GPI: variants seen among roughly 807,000 people sequenced by gnomAD.
GPI encodes the protein glucose-6-phosphate isomerase.
A neutral mutation model predicts 75.8 loss-of-function variants in GPI; 56 were observed. That is an observed-to-expected ratio of 0.74 (90% CI 0.60 to 0.92). GPI has a LOEUF of 0.92. GPI is among the 40% of genes least tolerant of loss of function. The probability of loss-of-function intolerance (pLI) is 0.00; values close to 1 mark genes in which losing one functional copy is unlikely to be tolerated. For synonymous variants in GPI, 288 were observed against 285.4 expected, an observed-to-expected ratio of 1.01 and a Z score of -0.09; for missense variants, 638 against 741.0, an observed-to-expected ratio of 0.86 and a Z score of 1.61.
At chr19:34,364,585 C>T (rs2074326486), upstream of GPI, among the ~76,000 whole-genome samples, 1 of 151,866 alleles carries the variant, frequency 6.6e-6, no homozygotes, top group Non-Finnish European at 1.5e-5. Context: ...ACCAGGTTGG[C>T]CAGTCTGGTC....
Position 34,393,588 on chromosome 19 carries a change from G to T in GPI, c.866-140G>T. 1.2e-6 allele frequency: 1 copy of T among 824,846 alleles called. No homozygotes were observed. Among genetic ancestry groups the T allele is most frequent in the Non-Finnish European group, 2.1e-6 (1 of 486,214 alleles). 51.1% of individuals were successfully genotyped at this position (824,846 alleles called of 1,614,324 possible). On this transcript the variant is annotated intron_variant, in intron 10 of 17. Coordinates refer to ENST00000356487, the MANE Select transcript of GPI (RefSeq NM_000175.5). The surrounding 1 kb of genome is among the most constrained non-coding windows in gnomAD (Gnocchi z 4.4). ...CTCAGGGCCACCTCTCACTGGAGGG[G>T]CTTTGTCTAGGTCCGAGTCCTCCCA...
At chr19:34,361,962 A>T (rs1400959543), upstream of GPI, among the ~76,000 whole-genome samples, 1 of 152,050 alleles carries the variant, frequency 6.6e-6, no homozygotes, top group African/African-American at 2.4e-5. Flanking sequence ...TAAAAATACA[A>T]AAATTAGCTG....
rs2074895016 is a variant in GPI, at chr19:34,393,359, C to G, written c.865+51C>G. On this transcript the variant is annotated intron_variant, in intron 10 of 17. Coordinates refer to ENST00000356487, the MANE Select transcript of GPI (RefSeq NM_000175.5). This position sits in a 1 kb window ranked among gnomAD's most constrained non-coding sequence, Gnocchi z 4.4. ...CCCCTGTGGGAGACAGTGTTGCAGTCTAAGGTCGGGGTAGGGGGCTTGTGT... is the reference window on the plus strand; with the variant it reads ...CCCCTGTGGGAGACAGTGTTGCAGTGTAAGGTCGGGGTAGGGGGCTTGTGT... 7.0e-7 allele frequency: 1 copy of G among 1,437,204 alleles called. No homozygotes were observed. Among genetic ancestry groups the G allele is most frequent in the Non-Finnish European group, 9.8e-7 (1 of 1,018,198 alleles). 89.0% of individuals were successfully genotyped at this position (1,437,204 alleles called of 1,614,324 possible).
In GPI at chr19:34,399,260, G is replaced by A. The variant is rs371266351; in HGVS notation, c.1323G>A (p.Ser441=). The A allele has an allele frequency of 2.0e-5, 32 of 1,613,888 alleles. No individual in the cohort carries two copies. The highest frequency in any genetic ancestry group is 2.7e-5 in the African/African-American group (2 of 75,040). ...CAGAGGCCCTGATGAGGGGAAAATCGACGGAGGAGGCCCGAAAGGAGCTCC... is the reference window on the plus strand; with the variant it reads ...CAGAGGCCCTGATGAGGGGAAAATCAACGGAGGAGGCCCGAAAGGAGCTCC... ...AQTEALMRGK[S]TEEARKELQA... Residue 441 remains serine (S), a synonymous_variant, in exon 15 of 18, where the codon TCG becomes TCA. Transcript: ENST00000356487.
At chr19:34,373,685 T>G (rs1014150168) in intron 4 of GPI, among the ~76,000 whole-genome samples, 1 of 152,124 alleles carries the variant, frequency 6.6e-6, no homozygotes, top group African/African-American at 2.4e-5. Flanking sequence ...TCTCTTTATG[T>G]GGGGAATTTG....
intron 9 of GPI, among the ~76,000 whole-genome samples, chr19:34,388,667 C>G (rs546216824): frequency 6.6e-6 from 1 of 152,108 alleles, no homozygotes. Flanking sequence ...ATTGAGGGTT[C>G]GGAGGCTCAG....
At chr19:34,364,099 C>T (rs537316150), upstream of GPI, among the ~76,000 whole-genome samples, 105 of 152,056 alleles carry the variant, frequency 6.9e-4, no homozygotes, top group African/African-American at 8.4e-4. Context: ...GTGGTAATCA[C>T]GGCAGCCTCT....
chr19:34,360,565 T>G (rs925095653), upstream of GPI, among the ~76,000 whole-genome samples: 6 of 151,814 alleles, frequency 4.0e-5, no homozygotes. Flanking sequence ...GCCACCGCAC[T>G]CCAGCCTGGG....
Position 34,399,650 on chromosome 19 carries a change from G to C in GPI, c.1474+19G>C. Reference sequence around the variant, plus strand: ...TTGGTCGGTGAGTGAGTAGGGGAAAGGTCCTGGCTTGGGGTAGGTTGGAAT... The same window carrying C: ...TTGGTCGGTGAGTGAGTAGGGGAAACGTCCTGGCTTGGGGTAGGTTGGAAT... On this transcript the variant is annotated intron_variant, in intron 16 of 17. Transcript: ENST00000356487. The C allele has an allele frequency of 6.2e-7, 1 of 1,613,962 alleles. No homozygotes were observed. Among genetic ancestry groups the C allele is most frequent in the Non-Finnish European group, 8.5e-7 (1 of 1,179,828 alleles).
Position 34,381,469 on chromosome 19 carries a change from A to G in GPI, c.754A>G (p.Lys252Glu), listed in dbSNP as rs1481252465. ...CCCTTTGTTTTTTTTTTTGTAGACC[A>G]AAGTGAAGGAGTTTGGAATTGACCC... ...HFVALSTNTT[K>E]VKEFGIDPQN... The change falls in exon 9 of 18, where the codon AAA becomes GAA. Residue 252 changes from lysine (K) to glutamate (E), a missense_variant. Transcript: ENST00000356487. 2 of 1,602,062 alleles carry G rather than the reference A, an allele frequency of 1.2e-6. No individual in the cohort carries two copies. The highest frequency in any genetic ancestry group is 1.3e-5 in the African/African-American group (1 of 74,438).
rs570485048 is a variant in GPI, at chr19:34,400,811, G to A, written c.*775G>A. 508 of 369,522 alleles carry A rather than the reference G, an allele frequency of 1.4e-3. 1 individual carries two copies. Among genetic ancestry groups the A allele is most frequent in the Non-Finnish European group, 2.2e-3 (457 of 208,334 alleles). The allele number at this position is 369,522 out of a possible 1,614,324, so 22.9% of individuals were successfully genotyped here. On this transcript the variant is annotated 3_prime_UTR_variant, in exon 18 of 18. Transcript: ENST00000356487. ...GCAATCTCGGCTCACTGCAACCTCC[G>A]CCTCCCGGGTTCAAGCTATTCTCCT...
intron 6 of GPI, 147 bp downstream of exon 6, chr19:34,378,028 C>A (rs998858966): frequency 2.3e-5 from 18 of 790,630 alleles, no homozygotes; most frequent in Non-Finnish European, 3.9e-5. Context: ...TACAGCTGCC[C>A]TAGACTGTTT....
intron 4 of GPI, among the ~76,000 whole-genome samples, chr19:34,373,379 A>ACT (rs1339728743): frequency 6.8e-6 from 1 of 146,882 alleles, no homozygotes; most frequent in Admixed American, 6.8e-5. Flanking sequence ...ACAGAGCGAG[A>ACT]CTCTGTCTCA....
At chr19:34,373,989 CAG>C (rs2074494390) in intron 4 of GPI, among the ~76,000 whole-genome samples, 1 of 151,994 alleles carries the variant, frequency 6.6e-6, no homozygotes, top group Non-Finnish European at 1.5e-5. Flanking sequence ...TTTTTTGAGA[CAG>C]AGTTTCACTC....
chr19:34,384,489 C>A (rs1311995346), intron 9 of GPI, among the ~76,000 whole-genome samples: 2 of 152,114 alleles, frequency 1.3e-5, no homozygotes, highest in African/African-American at 4.8e-5. Context: ...AAACCAGGAG[C>A]ATGCAAAGAT....
chr19:34,399,326 G>A lies in GPI; in HGVS notation c.1389G>A (p.Leu463=). ...GTCCAGAGGACCTTGAGAGGCTGCTGCCACATAAGGTCAGCACTTCTGCAT... is the reference window on the plus strand; with the variant it reads ...GTCCAGAGGACCTTGAGAGGCTGCTACCACATAAGGTCAGCACTTCTGCAT... ...GKSPEDLERL[L]PHKVFEGNRP... The change falls in exon 15 of 18, where the codon CTG becomes CTA. Residue 463 remains leucine (L), a synonymous_variant. Transcript: ENST00000356487. The A allele has an allele frequency of 6.2e-7, 1 of 1,614,154 alleles. No individual in the cohort carries two copies. The highest frequency in any genetic ancestry group is 8.5e-7 in the Non-Finnish European group (1 of 1,180,034).
chr19:34,374,038 G>T (rs2074495052), intron 4 of GPI, among the ~76,000 whole-genome samples: 1 of 151,690 alleles, frequency 6.6e-6, no homozygotes, highest in African/African-American at 2.4e-5. Context: ...CGTGATCTTG[G>T]CTCACTGCAA....
intron 1 of GPI, 38 bp downstream of exon 1, chr19:34,365,426 C>T (rs751795004): frequency 7.2e-6 from 11 of 1,520,490 alleles, no homozygotes; most frequent in African/African-American, 7.2e-5. Context: ...CCACGCGCGG[C>T]GCCCGGAACC....
upstream of GPI, among the ~76,000 whole-genome samples, chr19:34,363,912 TAA>T (rs752738045): frequency 6.6e-6 from 1 of 152,222 alleles, no homozygotes; most frequent in Admixed American, 6.5e-5. Context: ...AGTGAAATCT[TAA>T]GAGTTGACAG....
Sources: gnomAD v4.1 joint callset for allele counts (sites outside exome capture counted in the v4.1 genomes callset) on GRCh38, gnomAD v4.1.1 for gene constraint, Gnocchi (gnomAD v3.1) non-coding constraint, MANE v1.5 for transcripts, NCBI Gene and HGNC (gene_info 2026-07-23, HGNC 2026-07-21) for gene names.